The following RGS9 variants were observed in gnomAD, a reference collection of about 807,000 sequenced individuals.
RGS9 encodes regulator of G-protein signalling 9.
In RGS9, 78 loss-of-function variants were observed where a neutral mutation model predicts 102.0. That is an observed-to-expected ratio of 0.76 (90% CI 0.64 to 0.92). The LOEUF is 0.92. Ranked by LOEUF, RGS9 falls within the 40% of genes least tolerant of loss-of-function variation. RGS9 has a pLI of 0.00. For missense variants in RGS9, 833 were observed against 866.1 expected, an observed-to-expected ratio of 0.96 and a Z score of 0.48; for synonymous variants, 353 against 318.6, an observed-to-expected ratio of 1.11 and a Z score of -1.15.
intron 17 of RGS9, among the ~76,000 whole-genome samples, chr17:65,218,239 A>G (rs1913583327): frequency 6.6e-6 from 1 of 152,224 alleles, no homozygotes; most frequent in African/African-American, 2.4e-5. Context: ...AACTTTGTCA[A>G]TGGGAAATGC....
At chr17:65,145,238 C>T (rs1232083584) in intron 1 of RGS9, among the ~76,000 whole-genome samples, 4 of 151,802 alleles carry the variant, frequency 2.6e-5, no homozygotes, top group Admixed American at 6.6e-5. Flanking sequence ...CTACAGGTGC[C>T]CCCCACCACG....
At chr17:65,207,796 C>T in intron 15 of RGS9, 126 bp from the exon 16 acceptor site, 1 of 669,350 alleles carries the variant, frequency 1.5e-6, no homozygotes. Context: ...ACCTTTCACC[C>T]AAGGAGACAA....
At chr17:65,150,964 G>A (rs1910555862) in intron 1 of RGS9, among the ~76,000 whole-genome samples, 1 of 152,200 alleles carries the variant, frequency 6.6e-6, no homozygotes. Context: ...GTCAAGATCA[G>A]TAGCAAACAG....
Position 65,225,044 on chromosome 17 carries a change from A to G in RGS9, c.1450A>G (p.Thr484Ala). The G allele has an allele frequency of 1.2e-6, 2 of 1,613,590 alleles. No homozygotes were observed. The highest frequency in any genetic ancestry group is 1.7e-6 in the Non-Finnish European group (2 of 1,179,888). Residue 484 changes from threonine to alanine, a missense_variant, in exon 18 of 19, where the codon ACC (threonine) becomes GCC (alanine). Physicochemically the swap from Thr to Ala is moderately conservative, Grantham distance 58 (BLOSUM62 0). This residue lies in a region of RGS9 where 320 missense variants were observed against 276.8 expected (regional missense o/e 1.16). Transcript: ENST00000262406. ...MAPSPHLTVY[T>A]GTCMPPSPSS... ...TCCCAGCCCCCATCTGACCGTGTAC[A>G]CCGGGACCTGCATGCCCCCGTCTCC...
At chr17:65,149,261 A>G (rs1025889733) in intron 1 of RGS9, among the ~76,000 whole-genome samples, 1 of 152,212 alleles carries the variant, frequency 6.6e-6, no homozygotes, top group African/African-American at 2.4e-5. Flanking sequence ...GGCATGAGCC[A>G]TCGCACCGGG....
intron 14 of RGS9, among the ~76,000 whole-genome samples, chr17:65,202,450 A>T (rs879297923): frequency 0.083 from 10,886 of 131,862 alleles, 374 homozygotes; most frequent in African/African-American, 0.09. Flanking sequence ...TGTGTGAGAG[A>T]GAGAGAGAGA....
chr17:65,180,881 A>G (rs7211341), intron 9 of RGS9, among the ~76,000 whole-genome samples: 48,662 of 152,074 alleles, frequency 0.32, 12,686 homozygotes, highest in African/African-American at 0.72. Flanking sequence ...GCTCCCACTT[A>G]TAAGTGAGCC....
chr17:65,175,853 A>G (rs910531668), intron 8 of RGS9, among the ~76,000 whole-genome samples: 8 of 152,258 alleles, frequency 5.3e-5, no homozygotes, highest in African/African-American at 1.9e-4. Flanking sequence ...AATTTCAGAT[A>G]AACAACAAAT....
At chr17:65,215,536 CT>C (rs1913486790) in intron 17 of RGS9, among the ~76,000 whole-genome samples, 1 of 128,936 alleles carries the variant, frequency 7.8e-6, no homozygotes, top group East Asian at 2.0e-4. Flanking sequence ...TTCTTTCTTT[CT>C]TTCTTTCTTT....
chr17:65,222,579 G>C lies in RGS9; in HGVS notation c.1408-2423G>C, dbSNP rs117987987. Among the ~76,000 whole-genome samples the C allele has an allele frequency of 4.7e-3, 713 of 152,250 alleles. 2 individuals are homozygous for C. The highest frequency in any genetic ancestry group is 0.01 in the Middle Eastern group (3 of 294). ...AATGGGGTGGTTATAGATAAGCAAA[G>C]TACCTAGCATGTAGTAGATACTTGA... is the stretch of plus-strand genomic sequence containing the variant. On this transcript the variant is annotated intron_variant, in intron 17 of 18. Transcript: ENST00000262406.
chr17:65,153,030 T>C (rs905968266), intron 1 of RGS9, among the ~76,000 whole-genome samples: 2 of 152,260 alleles, frequency 1.3e-5, no homozygotes, highest in Non-Finnish European at 2.9e-5. Context: ...TGGCCTCCAC[T>C]GGCTTTTCCA....
At position 65,193,660 on chromosome 17, in the gene RGS9, T is replaced by C. The variant is rs752892146; in HGVS notation, c.860+4T>C. The C allele has an allele frequency of 6.3e-7, 1 of 1,582,164 alleles. No individual in the cohort carries two copies. The highest frequency in any genetic ancestry group is 8.7e-7 in the Non-Finnish European group (1 of 1,150,880). On this transcript the variant is annotated splice_donor_region_variant and intron_variant, in intron 12 of 18. Coordinates refer to ENST00000262406, the MANE Select transcript of RGS9 (RefSeq NM_003835.4). ...TCTGGGACTTAAATGCCAAATTGTA[T>C]GTATTTTATATATTGGTGTTTTTTA...
chr17:65,185,202 T>A (rs977285991), intron 9 of RGS9: 1 of 152,206 alleles, frequency 6.6e-6, no homozygotes, highest in Non-Finnish European at 1.5e-5. Context: ...GATGGCTGCT[T>A]TTTCCAGGTT....
chr17:65,201,382 C>T (rs984795121), intron 13 of RGS9, among the ~76,000 whole-genome samples: 4 of 152,214 alleles, frequency 2.6e-5, no homozygotes, highest in African/African-American at 7.2e-5. Context: ...GCTTCTTGAA[C>T]AGCCTCTCTG....
intron 9 of RGS9, among the ~76,000 whole-genome samples, chr17:65,178,063 G>A (rs1218896463): frequency 6.6e-6 from 1 of 152,126 alleles, no homozygotes; most frequent in African/African-American, 2.4e-5. Context: ...CTAGATGGCT[G>A]GTTTTCAAAC....
rs553637152 is a variant in RGS9 at position 65,207,670 on chromosome 17, A to G, written c.1204-252A>G. Among the ~76,000 whole-genome samples the G allele has an allele frequency of 3.3e-5, 5 of 152,218 alleles. No homozygotes were observed. In the East Asian group the frequency reaches 9.7e-4, roughly 29 times the overall value. The stretch of plus-strand genomic sequence containing the variant: ...AGACTGTTCAGGCTCAGGGTGAATC[A>G]CTCCCAGAGTTTCTCATCAGGACGG... On this transcript the variant is annotated intron_variant, in intron 15 of 18. Transcript: ENST00000262406.
intron 13 of RGS9, among the ~76,000 whole-genome samples, chr17:65,201,570 G>C (rs774707748): frequency 2.0e-5 from 3 of 152,190 alleles, no homozygotes; most frequent in Non-Finnish European, 4.4e-5. Context: ...ATTCATGTGC[G>C]AGCTCGTTCA....
intron 1 of RGS9, among the ~76,000 whole-genome samples, chr17:65,139,324 T>C (rs368757192): frequency 2.7e-5 from 4 of 150,718 alleles, no homozygotes; most frequent in African/African-American, 4.9e-5. Context: ...ACTGTTTTTT[T>C]CCCCCAAATC....
At chr17:65,201,751 T>G (rs1035327993) in intron 13 of RGS9, among the ~76,000 whole-genome samples, 2 of 152,164 alleles carry the variant, frequency 1.3e-5, no homozygotes, top group African/African-American at 4.8e-5. Flanking sequence ...GGCCACGTAT[T>G]GAGCAATTAC....
Sources: allele counts gnomAD v4.1 joint callset (sites outside exome capture counted in the v4.1 genomes callset), GRCh38; gene constraint gnomAD v4.1.1; regional missense constraint gnomAD v4.1.1; transcripts MANE v1.5; gene names NCBI Gene and HGNC (gene_info 2026-07-23, HGNC 2026-07-21).